Variants in MSI2 observed in about 807,000 individuals in gnomAD.
MSI2 encodes the protein RNA-binding protein Musashi homolog 2.
Under a neutral mutation model 45.6 loss-of-function variants are expected in MSI2, and 17 were observed. The observed-to-expected ratio is 0.37, with a 90% CI of 0.26 to 0.56. The LOEUF (loss-of-function observed/expected upper bound fraction) is 0.56. Ranked by LOEUF, MSI2 falls within the 20% of genes least tolerant of loss-of-function variation. The pLI, the probability that MSI2 is intolerant of heterozygous loss-of-function variation, is 0.77. For missense variants in MSI2, 293 were observed against 444.2 expected, an observed-to-expected ratio of 0.66 and a Z score of 3.06; for synonymous variants, 156 against 158.2, an observed-to-expected ratio of 0.99 and a Z score of 0.11.
intron 7 of MSI2, among the ~76,000 whole-genome samples, chr17:57,586,147 A>G (rs1205651219): frequency 6.6e-6 from 1 of 152,252 alleles, no homozygotes; most frequent in East Asian, 1.9e-4. Flanking sequence ...TGTCATTCAC[A>G]GAATCACTGC....
Position 57,637,174 on chromosome 17 carries a change from T to G in MSI2, c.727+9871T>G, listed in dbSNP as rs142922428. ...CCCACTCCTGCGCCACCTGGCCCTG[T>G]GTATACTTGGGGCCTATCCTCTCAT... On this transcript the variant is annotated intron_variant, in intron 10 of 13. Coordinates refer to ENST00000284073, the MANE Select transcript of MSI2 (RefSeq NM_138962.4). Among the ~76,000 whole-genome samples, 114 of 152,288 alleles carry G rather than the reference T, an allele frequency of 7.5e-4. 2 individuals are homozygous for G. The East Asian group carries it at 0.017, about 23-fold the overall frequency.
At chr17:57,637,296 G>T (rs1291020507) in intron 10 of MSI2, among the ~76,000 whole-genome samples, 1 of 152,212 alleles carries the variant, frequency 6.6e-6, no homozygotes, top group Non-Finnish European at 1.5e-5. Flanking sequence ...AACCCAGACC[G>T]ACCGCGGCAC....
At chr17:57,546,371 T>C (rs2087168297) in intron 7 of MSI2, among the ~76,000 whole-genome samples, 2 of 152,248 alleles carry the variant, frequency 1.3e-5, no homozygotes, top group East Asian at 1.9e-4. Flanking sequence ...CAGCCGAAGA[T>C]TTCTGAAATA....
chr17:57,583,488 C>CTTTTTTTGGTTTTTT (rs2088259268), intron 7 of MSI2, among the ~76,000 whole-genome samples: 1 of 98,044 alleles, frequency 1.0e-5, no homozygotes, highest in Non-Finnish European at 2.1e-5. Flanking sequence ...CCCAATGTTT[C>CTTTTTTTGGTTTTTT]TTTTTTTTTT....
In MSI2 at chr17:57,635,649, G is replaced by A. The variant is rs116699422; in HGVS notation, c.727+8346G>A. On this transcript the variant is annotated intron_variant, in intron 10 of 13. Coordinates refer to ENST00000284073, the MANE Select transcript of MSI2 (RefSeq NM_138962.4). ...AGGATACTGTGTGCAAACGGCAGGGGCAGCACAGCTCCCCAGGCAGGGAGA... is the reference window on the plus strand; with the variant it reads ...AGGATACTGTGTGCAAACGGCAGGGACAGCACAGCTCCCCAGGCAGGGAGA... Among the ~76,000 whole-genome samples, 1,106 of 152,210 alleles carry A rather than the reference G, an allele frequency of 7.3e-3. 10 individuals are homozygous for A. The highest frequency in any genetic ancestry group is 0.024 in the African/African-American group (998 of 41,580).
At chr17:57,687,383 T>C (rs1913907832), downstream of MSI2, among the ~76,000 whole-genome samples, 1 of 151,736 alleles carries the variant, frequency 6.6e-6, no homozygotes, top group Non-Finnish European at 1.5e-5. Context: ...TTATAAACAG[T>C]AATAAAATGG....
At chr17:57,256,859 G>C in intron 1 of MSI2, 55 bp downstream of exon 1, 1 of 1,323,904 alleles carries the variant, frequency 7.6e-7, no homozygotes, top group Non-Finnish European at 1.0e-6. Context: ...TCCTTGCAGC[G>C]GCGGGGACGG....
intron 5 of MSI2, among the ~76,000 whole-genome samples, chr17:57,343,817 G>A (rs1165183140): frequency 6.6e-6 from 1 of 152,104 alleles, no homozygotes; most frequent in East Asian, 1.9e-4. Context: ...CATTTATAAA[G>A]AATACAATCC....
chr17:57,490,126 C>G (rs2085840401), intron 6 of MSI2, among the ~76,000 whole-genome samples: 1 of 152,212 alleles, frequency 6.6e-6, no homozygotes, highest in South Asian at 2.1e-4. Context: ...TGAATTTCCT[C>G]ATCTATAAAA....
chr17:57,462,079 C>T (rs2085241448), intron 6 of MSI2, among the ~76,000 whole-genome samples: 1 of 152,178 alleles, frequency 6.6e-6, no homozygotes, highest in Non-Finnish European at 1.5e-5. Context: ...GACAGTCTGT[C>T]CCAGGCCTCT....
chr17:57,400,910 C>T (rs533408195), intron 5 of MSI2, among the ~76,000 whole-genome samples: 30 of 152,172 alleles, frequency 2.0e-4, no homozygotes, highest in Non-Finnish European at 2.5e-4. Context: ...GTGTTGCTTG[C>T]AGACGTATAC....
At chr17:57,697,425 CT>C in the MSI2 span, among the ~76,000 whole-genome samples, 1 of 152,078 alleles carries the variant, frequency 6.6e-6, no homozygotes, top group South Asian at 2.1e-4. Flanking sequence ...CTCTCTCCCC[CT>C]CACTCGCAGA....
chr17:57,645,938 C>T (rs1297871596), intron 10 of MSI2, among the ~76,000 whole-genome samples: 2 of 152,176 alleles, frequency 1.3e-5, no homozygotes, highest in Non-Finnish European at 2.9e-5. Flanking sequence ...TGCCCCTGGA[C>T]CCCTCCAGGG....
intron 7 of MSI2, among the ~76,000 whole-genome samples, chr17:57,564,007 C>T (rs962819850): frequency 2.0e-5 from 3 of 152,176 alleles, no homozygotes; most frequent in African/African-American, 4.8e-5. Context: ...ATTTCCCAAG[C>T]GCAGCCTGAT....
chr17:57,653,504 G>T (rs189174736), intron 11 of MSI2, among the ~76,000 whole-genome samples: 1 of 152,270 alleles, frequency 6.6e-6, no homozygotes, highest in Non-Finnish European at 1.5e-5. Context: ...GGCCCCGGGG[G>T]CGGGGTGCAC....
chr17:57,454,125 C>A (rs1042060428), intron 6 of MSI2, among the ~76,000 whole-genome samples: 3 of 152,212 alleles, frequency 2.0e-5, no homozygotes, highest in Admixed American at 1.3e-4. Context: ...GACTGGCTCG[C>A]TCCAGGAGCT....
At chr17:57,631,632 C>T in intron 10 of MSI2, 1 of 653,074 alleles carries the variant, frequency 1.5e-6, no homozygotes, top group Non-Finnish European at 2.6e-6. Flanking sequence ...CTTCTTCCCA[C>T]ATCCAGGTGT....
chr17:57,304,931 T>C (rs975063489), intron 5 of MSI2, among the ~76,000 whole-genome samples: 30 of 152,180 alleles, frequency 2.0e-4, no homozygotes, highest in Admixed American at 8.5e-4. Flanking sequence ...CTTGGCAGTG[T>C]AGCAAATATG....
chr17:57,381,491 T>C (rs1285339289), intron 5 of MSI2, among the ~76,000 whole-genome samples: 1 of 152,204 alleles, frequency 6.6e-6, no homozygotes, highest in African/African-American at 2.4e-5. Flanking sequence ...GCTGGTTCTT[T>C]TAGAACCTGT....
Sources: gnomAD v4.1 joint callset for allele counts (sites outside exome capture counted in the v4.1 genomes callset) on GRCh38, gnomAD v4.1.1 for gene constraint, MANE v1.5 for transcripts, NCBI Gene and HGNC (gene_info 2026-07-23, HGNC 2026-07-21) for gene names.